FBLIM1: variants seen among roughly 807,000 people sequenced by gnomAD.
FBLIM1 encodes the protein filamin-binding LIM protein 1.
Under a neutral mutation model 37.4 loss-of-function variants are expected in FBLIM1, and 29 were observed. The ratio of observed to expected loss-of-function variants is 0.77; its 90% confidence interval spans 0.58 to 1.06. The LOEUF (loss-of-function observed/expected upper bound fraction) is 1.06, where lower values mean the gene tolerates loss of function less well. Ranked by LOEUF, FBLIM1 falls within the 50% of genes least tolerant of loss-of-function variation. The probability of loss-of-function intolerance (pLI) is 0.00; values close to 1 mark genes in which losing one functional copy is unlikely to be tolerated. For missense variants in FBLIM1, 449 were observed against 505.6 expected, an observed-to-expected ratio of 0.89 and a Z score of 1.07; for synonymous variants, 193 against 199.0, an observed-to-expected ratio of 0.97 and a Z score of 0.25.
chr1:15,778,391 C>A (rs2069552447), intron 8 of FBLIM1, among the ~76,000 whole-genome samples: 1 of 151,896 alleles, frequency 6.6e-6, no homozygotes, highest in South Asian at 2.1e-4. Flanking sequence ...ATGGTGAAAC[C>A]CTGTCTTAAA....
chr1:15,780,268 G>T (rs550801123), intron 8 of FBLIM1, among the ~76,000 whole-genome samples: 1 of 151,850 alleles, frequency 6.6e-6, no homozygotes, highest in East Asian at 1.9e-4. Flanking sequence ...GCGCTATCTC[G>T]GCTCACTGCA....
intron 3 of FBLIM1, among the ~76,000 whole-genome samples, chr1:15,767,052 G>C (rs1187821559): frequency 6.6e-6 from 1 of 151,854 alleles, no homozygotes; most frequent in Non-Finnish European, 1.5e-5. Context: ...GCCATGCCTG[G>C]CTACATTTTT....
intron 8 of FBLIM1, among the ~76,000 whole-genome samples, chr1:15,778,375 G>A (rs986552763): frequency 1.3e-5 from 2 of 151,908 alleles, no homozygotes; most frequent in Non-Finnish European, 2.9e-5. Flanking sequence ...GACCAGCCTG[G>A]GCAACATGGT....
intron 3 of FBLIM1, among the ~76,000 whole-genome samples, chr1:15,766,319 C>A (rs752200033): frequency 6.6e-6 from 1 of 151,866 alleles, no homozygotes; most frequent in East Asian, 1.9e-4. Context: ...TATTTTGAGA[C>A]GAAGTCTCGC....
intron 8 of FBLIM1, among the ~76,000 whole-genome samples, chr1:15,778,406 A>C (rs867551098): frequency 1.3e-5 from 2 of 152,140 alleles, no homozygotes; most frequent in African/African-American, 4.8e-5. Context: ...CTTAAAAATA[A>C]ATAAATAAAA....
chr1:15,775,839 A>G (rs1017408275), intron 7 of FBLIM1, among the ~76,000 whole-genome samples: 1 of 152,156 alleles, frequency 6.6e-6, no homozygotes, highest in Non-Finnish European at 1.5e-5. Context: ...GTCCAGAGTC[A>G]TCTTGGTCTC....
intron 1 of FBLIM1, among the ~76,000 whole-genome samples, chr1:15,761,340 G>A (rs972767992): frequency 6.6e-6 from 1 of 152,146 alleles, no homozygotes; most frequent in African/African-American, 2.4e-5. Flanking sequence ...GAGTGCCATG[G>A]ATGGCCTGGG....
rs1429151777 is a variant in FBLIM1, at chr1:15,784,591, G to A, written c.1052G>A (p.Cys351Tyr). 11 of 1,614,144 alleles carry A rather than the reference G, an allele frequency of 6.8e-6. No homozygotes were observed. The highest frequency in any genetic ancestry group is 9.3e-6 in the Non-Finnish European group (11 of 1,179,996). Residue 351 changes from cysteine to tyrosine, a missense_variant, in exon 9 of 9, where the codon TGC becomes TAC. Transcript: ENST00000375766. ...LLSVEPTDQG[C>Y]YPLNNHLFCK... ...TCTGTCGAGCCCACGGACCAAGGCT[G>A]CTACCCCCTGAACAACCATCTCTTC...
In FBLIM1 at chr1:15,774,698, C is replaced by G. The variant is rs761753503; in HGVS notation, c.792C>G (p.Pro264=). Residue 264 remains proline (P), a synonymous_variant, in exon 7 of 9, where the codon CCC becomes CCG. Transcript: ENST00000375766. ...IIRALGQAFH[P]SCFTCVTCAR... ...GGGCCCTGGGCCAGGCCTTCCACCC[C>G]TCCTGCTTCACGTGTGTGACCTGCG... The G allele has an allele frequency of 3.1e-6, 5 of 1,614,010 alleles. No individual in the cohort carries two copies. Among genetic ancestry groups the G allele is most frequent in the East Asian group, 4.5e-5 (2 of 44,890 alleles).
chr1:15,776,330 C>T (rs1283445743), intron 7 of FBLIM1, among the ~76,000 whole-genome samples: 1 of 152,096 alleles, frequency 6.6e-6, no homozygotes, highest in Non-Finnish European at 1.5e-5. Context: ...TCTGTTTTAC[C>T]ACCCAAGGCA....
At chr1:15,762,937 G>A (rs150542352) in intron 1 of FBLIM1, among the ~76,000 whole-genome samples, 95 of 152,314 alleles carry the variant, frequency 6.2e-4, no homozygotes, top group African/African-American at 2.2e-3. Context: ...GTGGGGGCAG[G>A]ACAGGAAAAC....
rs145222711 is a variant in FBLIM1 at position 15,768,599 on chromosome 1, G to A, written c.510G>A (p.Pro170=). ...TGGAGGAAGAGCTGCCACCTCCCCC[G>A]GCAGAACCTGTTGAGAAAGGGGCAT... ...RPMEEELPPP[P]AEPVEKGAST... Residue 170 remains proline, a synonymous_variant, in exon 5 of 9, where the codon CCG becomes CCA. Coordinates refer to ENST00000375766, the MANE Select transcript of FBLIM1 (RefSeq NM_017556.4). The A allele has an allele frequency of 1.7e-5, 28 of 1,611,874 alleles. No individual in the cohort carries two copies. Among genetic ancestry groups the A allele is most frequent in the South Asian group, 1.7e-4 (15 of 90,730 alleles).
At chr1:15,763,109 C>T (rs2068753210) in intron 1 of FBLIM1, among the ~76,000 whole-genome samples, 2 of 151,566 alleles carry the variant, frequency 1.3e-5, no homozygotes, top group African/African-American at 4.8e-5. Flanking sequence ...GCTCTTGTTG[C>T]CCAGGCTAGA....
At chr1:15,779,199 G>C (rs1224328236) in intron 8 of FBLIM1, among the ~76,000 whole-genome samples, 4 of 151,924 alleles carry the variant, frequency 2.6e-5, no homozygotes, top group Admixed American at 6.6e-5. Flanking sequence ...GCCTCCCAAA[G>C]TGCTGGGATT....
chr1:15,784,330 C>T (rs149294994), intron 8 of FBLIM1, among the ~76,000 whole-genome samples: 8 of 152,350 alleles, frequency 5.3e-5, no homozygotes, highest in Non-Finnish European at 1.0e-4. Flanking sequence ...GGCGCCTCCA[C>T]GTGGATTAAA....
intron 8 of FBLIM1, among the ~76,000 whole-genome samples, chr1:15,778,203 G>A (rs1437204763): frequency 4.0e-5 from 6 of 151,596 alleles, no homozygotes; most frequent in Admixed American, 3.9e-4. Context: ...TGGAGGAAGG[G>A]AGAAGAGGAT....
intron 1 of FBLIM1, among the ~76,000 whole-genome samples, chr1:15,762,260 GTTTT>G (rs57122494): frequency 0.33 from 35,123 of 107,804 alleles, 4,076 homozygotes; most frequent in African/African-American, 0.41. Context: ...TGGCTAATTT[GTTTT>G]TTTTTTTTTT....
chr1:15,780,107 T>C (rs2069598393), intron 8 of FBLIM1, among the ~76,000 whole-genome samples: 1 of 151,994 alleles, frequency 6.6e-6, no homozygotes, highest in Non-Finnish European at 1.5e-5. Context: ...CCCAGGCTGG[T>C]CTTGAACTCC....
upstream of FBLIM1, chr1:15,758,533 C>G (rs1440204472): frequency 1.3e-5 from 2 of 152,126 alleles, no homozygotes; most frequent in African/African-American, 4.8e-5. This position sits in a 1 kb window ranked among gnomAD's most constrained non-coding sequence, Gnocchi z 6.2. Flanking sequence ...ATCCCCATTC[C>G]CCCCCATTCC....
Sources: allele counts gnomAD v4.1 joint callset (sites outside exome capture counted in the v4.1 genomes callset), GRCh38; gene constraint gnomAD v4.1.1; non-coding constraint Gnocchi (gnomAD v3.1); transcripts MANE v1.5; gene names NCBI Gene and HGNC (gene_info 2026-07-23, HGNC 2026-07-21).